Variants in ARHGEF38 observed in about 807,000 individuals in gnomAD.
ARHGEF38 encodes Rho guanine nucleotide exchange factor (GEF) 38.
In ARHGEF38, 79 loss-of-function variants were observed where a neutral mutation model predicts 79.9. The ratio of observed to expected loss-of-function variants is 0.99; its 90% CI spans 0.82 to 1.19. The LOEUF (loss-of-function observed/expected upper bound fraction) is 1.19, where lower values mean the gene tolerates loss of function less well. ARHGEF38 is among the 50% of genes most tolerant of loss of function. The probability of loss-of-function intolerance (pLI) is 0.00; values close to 1 mark genes in which losing one functional copy is unlikely to be tolerated. For synonymous variants in ARHGEF38, 366 were observed against 328.3 expected (o/e 1.11, Z -1.24); for missense variants, 962 against 907.2 (o/e 1.06, Z -0.78).
At chr4:105,633,816 A>T (rs952789342) in intron 4 of ARHGEF38, among the ~76,000 whole-genome samples, 2 of 152,308 alleles carry the variant, frequency 1.3e-5, no homozygotes, top group East Asian at 3.9e-4. Context: ...AAACAAAACC[A>T]TGTGGAAAGT....
intron 10 of ARHGEF38, 68 bp from the exon 11 acceptor site, chr4:105,666,109 A>G: frequency 2.3e-5 from 32 of 1,381,394 alleles, no homozygotes; most frequent in Non-Finnish European, 3.0e-5. Context: ...ATCACAACTC[A>G]ATACATTTAA....
intron 5 of ARHGEF38, among the ~76,000 whole-genome samples, chr4:105,640,320 C>T (rs1729567837): frequency 6.6e-6 from 1 of 152,074 alleles, no homozygotes; most frequent in Non-Finnish European, 1.5e-5. Context: ...TGTTGATTAT[C>T]GTTTTCATTG....
At chr4:105,648,172 G>A (rs935037476) in intron 6 of ARHGEF38, among the ~76,000 whole-genome samples, 1 of 152,116 alleles carries the variant, frequency 6.6e-6, no homozygotes, top group African/African-American at 2.4e-5. Flanking sequence ...ACAGGTGTGA[G>A]CCACCGTGCC....
In ARHGEF38 at chr4:105,645,258, CT is replaced by C. The variant is rs1260376283; in HGVS notation, c.746del (p.Leu249HisfsTer27). 9.1e-6 allele frequency: 14 copies of C among 1,536,522 alleles called. No homozygotes were observed. The East Asian group carries it at 2.2e-4, about 24-fold the overall frequency. On this transcript the variant is annotated frameshift_variant, in exon 6 of 14. Transcript: ENST00000420470. LOFTEE classifies it high-confidence loss of function. ...KPIQRVMKYP[L>X]LLCELRNSTP... ...AATTCAACGTGTGATGAAATACCCC[CT>C]ATTACTGTGCGAACTTCGGAATTCC... is the stretch of plus-strand genomic sequence containing the variant.
intron 3 of ARHGEF38, among the ~76,000 whole-genome samples, chr4:105,623,383 A>G (rs1024546869): frequency 1.1e-4 from 16 of 152,356 alleles, no homozygotes; most frequent in African/African-American, 3.8e-4. Context: ...ATATAGAGCA[A>G]CTAGCTACAG....
In ARHGEF38 at chr4:105,573,758, A is replaced by C. The variant is rs1726349547; in HGVS notation, c.197-15490A>C. Among the ~76,000 whole-genome samples, 3 of 140,536 alleles carry C rather than the reference A, an allele frequency of 2.1e-5. No homozygotes were observed. In the South Asian group the frequency reaches 6.5e-4, roughly 31 times the overall value. 92.2% of individuals were successfully genotyped at this position (140,536 alleles called of 152,430 possible). A position where few individuals can be genotyped will look rare whatever the true frequency, so the allele number is the denominator to read the frequency against. On this transcript the variant is annotated intron_variant, in intron 1 of 13. Transcript: ENST00000420470. ...GATGGGTTTTTTTTTTTATTTCTAC[A>C]AAAAAAAATTGGAATTTTGATAAAG...
intron 1 of ARHGEF38, among the ~76,000 whole-genome samples, chr4:105,560,642 G>A (rs1725472129): frequency 6.6e-6 from 1 of 152,130 alleles, no homozygotes. Context: ...TGTTTTTCTT[G>A]ATTAATGAAT....
intron 1 of ARHGEF38, among the ~76,000 whole-genome samples, chr4:105,587,023 C>T (rs994077113): frequency 2.0e-5 from 3 of 152,078 alleles, no homozygotes; most frequent in Non-Finnish European, 2.9e-5. Context: ...ACTGCAGCTC[C>T]TCTCATAAGG....
intron 13 of ARHGEF38, among the ~76,000 whole-genome samples, chr4:105,677,130 A>G (rs565808576): frequency 3.6e-4 from 54 of 151,920 alleles, no homozygotes; most frequent in Non-Finnish European, 6.5e-4. Flanking sequence ...CGCCCAGCTA[A>G]TTTTTGTATT....
chr4:105,562,667 T>C (rs1036239006), intron 1 of ARHGEF38, among the ~76,000 whole-genome samples: 1 of 152,192 alleles, frequency 6.6e-6, no homozygotes, highest in Non-Finnish European at 1.5e-5. Context: ...CTAAGAATGT[T>C]TTTTAAAATA....
chr4:105,600,633 A>C (rs1727781307), intron 2 of ARHGEF38, among the ~76,000 whole-genome samples: 1 of 152,152 alleles, frequency 6.6e-6, no homozygotes, highest in Admixed American at 6.6e-5. Context: ...TCCAGCCTAG[A>C]CATTTTCCCT....
intron 4 of ARHGEF38, among the ~76,000 whole-genome samples, chr4:105,633,988 A>G (rs1273901727): frequency 6.6e-6 from 1 of 152,218 alleles, no homozygotes; most frequent in Non-Finnish European, 1.5e-5. Context: ...ATCTTTCAAA[A>G]GAGAGAATAA....
Position 105,679,167 on chromosome 4 carries a change from A to C in ARHGEF38, c.*1230A>C. 1 of 616,064 alleles carries C rather than the reference A, an allele frequency of 1.6e-6. No homozygotes were observed. Among genetic ancestry groups the C allele is most frequent in the Non-Finnish European group, 2.9e-6 (1 of 350,206 alleles). The allele number at this position is 616,064 out of a possible 1,614,324, so 38.2% of individuals were successfully genotyped here. ...TTTGTCGACTCTCTCTACCTGACCA[A>C]TTGCCAGATCGACAACCTGACTGGC... On this transcript the variant is annotated 3_prime_UTR_variant, in exon 14 of 14. Coordinates refer to ENST00000420470, the MANE Select transcript of ARHGEF38 (RefSeq NM_001242729.2).
In ARHGEF38 at chr4:105,552,635, A is replaced by T; in HGVS notation, c.-131A>T. 1.6e-6 allele frequency: 1 copy of T among 642,458 alleles called. No individual in the cohort carries two copies. The highest frequency in any genetic ancestry group is 2.9e-5 in the South Asian group (1 of 34,390). 39.8% of individuals were successfully genotyped at this position (642,458 alleles called of 1,614,324 possible). A position where few individuals can be genotyped will look rare whatever the true frequency, so the allele number is the denominator to read the frequency against. The stretch of plus-strand genomic sequence containing the variant: ...AGGTGGTGGCAGTCACAGCCAGGTA[A>T]CCCTGGAGTGAAGCGGTTTAGTTAG... On this transcript the variant is annotated 5_prime_UTR_variant, in exon 1 of 14. Coordinates refer to ENST00000420470, the MANE Select transcript of ARHGEF38 (RefSeq NM_001242729.2).
intron 13 of ARHGEF38, among the ~76,000 whole-genome samples, chr4:105,677,041 G>A (rs528892028): frequency 4.0e-5 from 6 of 151,718 alleles, no homozygotes; most frequent in Admixed American, 6.6e-5. Context: ...TCGGCTCACT[G>A]CAACCACCGC....
chr4:105,666,436 T>A (rs1730752211), intron 11 of ARHGEF38, 116 bp downstream of exon 11: 1 of 1,152,092 alleles, frequency 8.7e-7, no homozygotes, highest in Non-Finnish European at 1.2e-6. Flanking sequence ...ATAATTTACA[T>A]ATGTGTAGAA....
Position 105,680,653 on chromosome 4 carries a change from C to T in ARHGEF38, c.*2716C>T, listed in dbSNP as rs531621615. 6.6e-6 allele frequency: 1 copy of T among 152,642 alleles called. No individual in the cohort carries two copies. Among genetic ancestry groups the T allele is most frequent in the Non-Finnish European group, 1.5e-5 (1 of 68,366 alleles). 9.5% of individuals were successfully genotyped at this position (152,642 alleles called of 1,614,324 possible). ...ATACCAAATATACCTCTATAAAATA[C>T]CAAACTGAGCTAAATACGGTATATG... On this transcript the variant is annotated 3_prime_UTR_variant, in exon 14 of 14. Coordinates refer to ENST00000420470, the MANE Select transcript of ARHGEF38 (RefSeq NM_001242729.2).
At chr4:105,659,018 C>G (rs1203793700) in intron 9 of ARHGEF38, 36 bp from the exon 10 acceptor site, 7 of 1,498,432 alleles carry the variant, frequency 4.7e-6, no homozygotes, top group Non-Finnish European at 5.3e-6. Context: ...TGGGCTGATC[C>G]TCTCTCTGAA....
chr4:105,621,763 C>G (rs1270429018), intron 3 of ARHGEF38, among the ~76,000 whole-genome samples: 1 of 152,110 alleles, frequency 6.6e-6, no homozygotes, highest in East Asian at 1.9e-4. Flanking sequence ...ATGTTTTACT[C>G]AGGACACAAA....
Sources: allele counts gnomAD v4.1 joint callset (sites outside exome capture counted in the v4.1 genomes callset), GRCh38; gene constraint gnomAD v4.1.1; transcripts MANE v1.5; gene names NCBI Gene and HGNC (gene_info 2026-07-23, HGNC 2026-07-21).